ZNF804B: variants seen among roughly 807,000 people sequenced by gnomAD.
ZNF804B encodes zinc finger protein 804B, also known as zinc finger 804B.
A neutral mutation model predicts 101.4 loss-of-function variants in ZNF804B; 80 were observed. That is an observed-to-expected ratio of 0.79 (90% CI 0.66 to 0.95). The LOEUF (loss-of-function observed/expected upper bound fraction) is 0.95. Among genes scored for constraint, ZNF804B ranks in the 40% least tolerant of loss-of-function variants. ZNF804B has a pLI of 0.00. For synonymous variants in ZNF804B, 622 were observed against 558.8 expected, an observed-to-expected ratio of 1.11 and a Z score of -1.59; for missense variants, 1,673 against 1,561.9, an observed-to-expected ratio of 1.07 and a Z score of -1.20.
chr7:88,859,090 C>T (rs1320173958), intron 1 of ZNF804B, among the ~76,000 whole-genome samples: 2 of 151,912 alleles, frequency 1.3e-5, no homozygotes, highest in East Asian at 3.8e-4. Flanking sequence ...GTCTAATGAG[C>T]ATATAGGTTT....
chr7:88,968,091 C>G (rs1392628539), intron 1 of ZNF804B, among the ~76,000 whole-genome samples: 1 of 151,390 alleles, frequency 6.6e-6, no homozygotes, highest in Admixed American at 6.6e-5. Context: ...AGAGAGTCTT[C>G]TAGATATTCT....
At chr7:89,060,029 A>G (rs1420373271) in intron 1 of ZNF804B, among the ~76,000 whole-genome samples, 1 of 152,118 alleles carries the variant, frequency 6.6e-6, no homozygotes, top group Non-Finnish European at 1.5e-5. Flanking sequence ...CACCAGTGGT[A>G]ACCTGGGTCC....
At chr7:88,809,968 A>G (rs1238359179) in intron 1 of ZNF804B, among the ~76,000 whole-genome samples, 2 of 152,198 alleles carry the variant, frequency 1.3e-5, no homozygotes, top group East Asian at 1.9e-4. Context: ...CCACTCCTTT[A>G]TTGTTTTATA....
At chr7:88,832,907 A>G (rs1259176022) in intron 1 of ZNF804B, among the ~76,000 whole-genome samples, 2 of 151,970 alleles carry the variant, frequency 1.3e-5, no homozygotes, top group South Asian at 4.1e-4. Flanking sequence ...TAGTTGCACC[A>G]TATCTGATGT....
intron 1 of ZNF804B, among the ~76,000 whole-genome samples, chr7:88,854,139 C>A (rs1791492489): frequency 6.6e-6 from 1 of 152,014 alleles, no homozygotes; most frequent in Non-Finnish European, 1.5e-5. Flanking sequence ...TAATAGCTAA[C>A]CTTTGTTTAT....
chr7:89,051,105 T>C lies in ZNF804B; in HGVS notation c.109-167050T>C, dbSNP rs1789198358. ...ATGTATCAATGTTTTCAACTATTCATTTATTTATAAACCTTCAGATTACTT... is the reference window on the plus strand; with the variant it reads ...ATGTATCAATGTTTTCAACTATTCACTTATTTATAAACCTTCAGATTACTT... On this transcript the variant is annotated intron_variant, in intron 1 of 3. Transcript: ENST00000333190. Among the ~76,000 whole-genome samples the C allele has an allele frequency of 2.0e-5, 3 of 152,238 alleles. No individual in the cohort carries two copies. In the South Asian group the frequency reaches 6.2e-4, roughly 32 times the overall value.
At chr7:89,077,319 G>A (rs1049497768) in intron 1 of ZNF804B, among the ~76,000 whole-genome samples, 71 of 152,122 alleles carry the variant, frequency 4.7e-4, no homozygotes, top group African/African-American at 1.5e-3. Flanking sequence ...TGGTATGTCA[G>A]TAAATGAGGA....
chr7:89,294,557 A>C (rs915825893), intron 2 of ZNF804B, among the ~76,000 whole-genome samples: 6 of 151,414 alleles, frequency 4.0e-5, no homozygotes, highest in African/African-American at 1.5e-4. Flanking sequence ...ATCTCTTGTT[A>C]CTTTTTTTTT....
chr7:89,205,358 G>A (rs374518641), intron 1 of ZNF804B, among the ~76,000 whole-genome samples: 2 of 152,052 alleles, frequency 1.3e-5, no homozygotes, highest in African/African-American at 4.8e-5. Context: ...ACTCATTCCA[G>A]CATTAACCCA....
chr7:88,846,255 A>G (rs1791371957), intron 1 of ZNF804B, among the ~76,000 whole-genome samples: 1 of 152,174 alleles, frequency 6.6e-6, no homozygotes, highest in Non-Finnish European at 1.5e-5. Flanking sequence ...CTGTAAAACC[A>G]CCCGCAGAGT....
chr7:89,098,272 AT>A (rs10717565), intron 1 of ZNF804B, among the ~76,000 whole-genome samples: 83,039 of 141,416 alleles, frequency 0.59, 24,311 homozygotes, highest in Non-Finnish European at 0.66. Flanking sequence ...CATCATCATA[AT>A]TTTTTTTTTT....
At chr7:89,307,061 A>G (rs1461160418) in intron 2 of ZNF804B, among the ~76,000 whole-genome samples, 1 of 152,020 alleles carries the variant, frequency 6.6e-6, no homozygotes, top group South Asian at 2.1e-4. Flanking sequence ...TCATACACTC[A>G]ATGATACTAG....
chr7:89,335,533 C>A lies in ZNF804B; in HGVS notation c.2551C>A (p.His851Asn), dbSNP rs756168256. 7 of 1,613,874 alleles carry A rather than the reference C, an allele frequency of 4.3e-6. No individual in the cohort carries two copies. Among genetic ancestry groups the A allele is most frequent in the Non-Finnish European group, 5.9e-6 (7 of 1,179,924 alleles). ...ACCACCTAATTGCCAGGGAACTCAG[C>A]ACGACAGATTGGACTCTTACTCAAT... The part of the protein sequence containing the change: ...KKPPNCQGTQ[H>N]DRLDSYSIEK... The change falls in exon 4 of 4, where the codon CAC becomes AAC. Residue 851 changes from histidine to asparagine, a missense_variant. Transcript: ENST00000333190.
chr7:88,880,208 G>T (rs1363614315), intron 1 of ZNF804B, among the ~76,000 whole-genome samples: 2 of 152,156 alleles, frequency 1.3e-5, no homozygotes, highest in Non-Finnish European at 2.9e-5. Context: ...GGGAAAATTT[G>T]CTATAAAGAG....
chr7:88,950,182 G>A (rs142615625), intron 1 of ZNF804B, among the ~76,000 whole-genome samples: 173 of 151,864 alleles, frequency 1.1e-3, no homozygotes, highest in African/African-American at 3.6e-3. Context: ...AAAGATTTAC[G>A]TTGTTATCTG....
intron 3 of ZNF804B, among the ~76,000 whole-genome samples, chr7:89,332,779 T>C (rs996009138): frequency 6.4e-4 from 97 of 151,934 alleles, no homozygotes; most frequent in African/African-American, 2.3e-3. Flanking sequence ...TTAGATAGAT[T>C]GTACATATGT....
intron 2 of ZNF804B, among the ~76,000 whole-genome samples, chr7:89,287,441 T>A (rs1194681907): frequency 6.6e-6 from 1 of 152,206 alleles, no homozygotes; most frequent in African/African-American, 2.4e-5. Context: ...CCTGAAGTCA[T>A]TTTCTGAAGG....
chr7:89,101,350 T>C (rs959921892), intron 1 of ZNF804B, among the ~76,000 whole-genome samples: 1 of 152,074 alleles, frequency 6.6e-6, no homozygotes, highest in Non-Finnish European at 1.5e-5. Context: ...TATTCATTTA[T>C]GACAATATTT....
At chr7:89,301,945 G>T (rs959129132) in intron 2 of ZNF804B, among the ~76,000 whole-genome samples, 1 of 151,704 alleles carries the variant, frequency 6.6e-6, no homozygotes, top group Non-Finnish European at 1.5e-5. Flanking sequence ...ACAAATGATA[G>T]GTATCAATAT....
Sources: gnomAD v4.1 joint callset for allele counts (sites outside exome capture counted in the v4.1 genomes callset) on GRCh38, gnomAD v4.1.1 for gene constraint, MANE v1.5 for transcripts, NCBI Gene and HGNC (gene_info 2026-07-23, HGNC 2026-07-21) for gene names.